The following RELN variants were observed in gnomAD, a reference collection of about 807,000 sequenced individuals.
RELN encodes reelin.
RELN carries 108 observed loss-of-function variants against 427.6 expected under a neutral mutation model. The observed-to-expected ratio is 0.25, with a 90% confidence interval of 0.22 to 0.30. The LOEUF (loss-of-function observed/expected upper bound fraction) is 0.30, where lower values mean the gene tolerates loss of function less well. RELN is among the 10% of genes least tolerant of loss of function. The pLI, the probability that RELN is intolerant of heterozygous loss-of-function variation, is 1.00. For synonymous variants in RELN, 1,524 were observed against 1,513.4 expected, an observed-to-expected ratio of 1.01 and a Z score of -0.16; for missense variants, 3,715 against 4,302.8, an observed-to-expected ratio of 0.86 and a Z score of 3.82.
intron 2 of RELN, among the ~76,000 whole-genome samples, chr7:103,869,729 C>A (rs1170472951): frequency 1.3e-5 from 2 of 152,064 alleles, no homozygotes; most frequent in Non-Finnish European, 2.9e-5. Context: ...TTATGAATTT[C>A]TTTGTGACAA....
chr7:103,696,285 A>G (rs1007245267), intron 10 of RELN, among the ~76,000 whole-genome samples: 6 of 152,076 alleles, frequency 3.9e-5, no homozygotes, highest in South Asian at 4.2e-4. Flanking sequence ...TGACATTTTC[A>G]TATCACCTAA....
chr7:103,914,644 T>C (rs1795444463), intron 2 of RELN, among the ~76,000 whole-genome samples: 2 of 152,060 alleles, frequency 1.3e-5, no homozygotes, highest in African/African-American at 4.8e-5. Flanking sequence ...ATGAAGAAGG[T>C]AACCTTATCA....
chr7:103,686,097 T>A (rs930710241), intron 10 of RELN, among the ~76,000 whole-genome samples: 3 of 152,186 alleles, frequency 2.0e-5, no homozygotes, highest in Non-Finnish European at 4.4e-5. Context: ...CTTTCAGGCA[T>A]CTGTAGCCTT....
chr7:103,741,126 C>A (rs1031651741), intron 6 of RELN, among the ~76,000 whole-genome samples: 38 of 152,090 alleles, frequency 2.5e-4, no homozygotes, highest in African/African-American at 8.7e-4. Context: ...ACTCAAGTGA[C>A]AAAACATGTA....
At position 103,553,817 on chromosome 7, in the gene RELN, TTTC is replaced by T; in HGVS notation, c.5809_5811del (p.Glu1937del). 1.2e-6 allele frequency: 2 copies of T among 1,614,044 alleles called. No individual in the cohort carries two copies. Among genetic ancestry groups the T allele is most frequent in the Non-Finnish European group, 1.7e-6 (2 of 1,179,936 alleles). ...ATAATGAAGTCATCAACAATCCAGA[TTTC>T]TTCTTTCTTACCTAAGGCATTTTTG... On this transcript the variant is annotated inframe_deletion, in exon 39 of 65. Transcript: ENST00000428762.
chr7:103,763,278 A>T (rs1791348032), intron 4 of RELN, among the ~76,000 whole-genome samples: 1 of 152,208 alleles, frequency 6.6e-6, no homozygotes, highest in South Asian at 2.1e-4. Context: ...TTAAAGAAAT[A>T]AGAGTAATTC....
At chr7:103,532,221 TA>T (rs1829955894) in intron 46 of RELN, among the ~76,000 whole-genome samples, 1 of 152,078 alleles carries the variant, frequency 6.6e-6, no homozygotes, top group African/African-American at 2.4e-5. Flanking sequence ...TGTTCTCACT[TA>T]TAAGTGGGAG....
chr7:103,721,886 T>C (rs924247480), intron 8 of RELN, among the ~76,000 whole-genome samples: 2 of 152,198 alleles, frequency 1.3e-5, no homozygotes, highest in Non-Finnish European at 2.9e-5. Flanking sequence ...CACGCTACAG[T>C]TAAAAAAATT....
chr7:103,614,682 C>A (rs1832040242), intron 20 of RELN, among the ~76,000 whole-genome samples: 2 of 152,146 alleles, frequency 1.3e-5, no homozygotes, highest in African/African-American at 4.8e-5. Flanking sequence ...GACAGATAAG[C>A]CTCTTTACTT....
chr7:103,596,770 T>A, intron 24 of RELN, 109 bp from the exon 25 acceptor site: 1 of 924,640 alleles, frequency 1.1e-6, no homozygotes, highest in African/African-American at 1.6e-5. Flanking sequence ...GGAAATGGTC[T>A]CGTCCCCATT....
chr7:103,574,402 T>C, intron 29 of RELN, 103 bp from the exon 30 acceptor site: 1 of 959,860 alleles, frequency 1.0e-6, no homozygotes, highest in South Asian at 1.4e-5. Flanking sequence ...GGGATTAACA[T>C]TAGGGAGAGA....
At chr7:103,614,426 C>T (rs1247066939) in intron 20 of RELN, among the ~76,000 whole-genome samples, 1 of 152,214 alleles carries the variant, frequency 6.6e-6, no homozygotes, top group African/African-American at 2.4e-5. Context: ...ATTTGGCTTT[C>T]ATTATAAGTG....
At chr7:103,539,546 CA>C (rs1830130611) in intron 44 of RELN, 1 of 568,314 alleles carries the variant, frequency 1.8e-6, no homozygotes, top group Non-Finnish European at 3.1e-6. Context: ...AAAGGATTGA[CA>C]AAACCATTCA....
intron 28 of RELN, among the ~76,000 whole-genome samples, chr7:103,585,192 G>T (rs1287360731): frequency 9.0e-6 from 1 of 111,016 alleles, no homozygotes; most frequent in Non-Finnish European, 2.2e-5. Context: ...TGGAAGAAAA[G>T]AAATAACAAA....
At chr7:103,847,501 C>A (rs1379796633) in intron 2 of RELN, among the ~76,000 whole-genome samples, 1 of 152,128 alleles carries the variant, frequency 6.6e-6, no homozygotes, top group East Asian at 1.9e-4. Context: ...ACCACCAATG[C>A]ATGTGTACAC....
chr7:103,754,215 C>A (rs368958837), intron 4 of RELN, among the ~76,000 whole-genome samples: 7 of 151,468 alleles, frequency 4.6e-5, no homozygotes, highest in African/African-American at 1.7e-4. Flanking sequence ...TTTAAATTGA[C>A]CACATTATAT....
intron 19 of RELN, among the ~76,000 whole-genome samples, chr7:103,634,264 C>T (rs1832531511): frequency 1.3e-5 from 2 of 152,156 alleles, no homozygotes; most frequent in South Asian, 4.1e-4. Flanking sequence ...AATATACTTC[C>T]AGGAAGTGAA....
intron 10 of RELN, among the ~76,000 whole-genome samples, chr7:103,685,175 T>C (rs1160749716): frequency 2.6e-5 from 4 of 152,186 alleles, no homozygotes; most frequent in African/African-American, 9.7e-5. Flanking sequence ...CGATCTACTA[T>C]GTTAAAAATC....
intron 3 of RELN, among the ~76,000 whole-genome samples, chr7:103,813,593 T>C (rs1184771725): frequency 6.6e-6 from 1 of 152,132 alleles, no homozygotes; most frequent in African/African-American, 2.4e-5. Flanking sequence ...CGTACAATAA[T>C]GCTTCATTAT....
Sources: allele counts gnomAD v4.1 joint callset (sites outside exome capture counted in the v4.1 genomes callset), GRCh38; gene constraint gnomAD v4.1.1; transcripts MANE v1.5; gene names NCBI Gene and HGNC (gene_info 2026-07-23, HGNC 2026-07-21).